Variants in ATAD3B observed in about 807,000 individuals in gnomAD.
The protein encoded by ATAD3B is ATPase family AAA domain-containing protein 3B.
ATAD3B carries 59 observed loss-of-function variants against 70.2 expected under a neutral mutation model. The ratio of observed to expected loss-of-function variants is 0.84; its 90% confidence interval spans 0.68 to 1.04. The LOEUF (loss-of-function observed/expected upper bound fraction) is 1.04. Among genes scored for constraint, ATAD3B ranks in the 50% least tolerant of loss-of-function variants. The pLI is 0.00. For synonymous variants in ATAD3B, 423 were observed against 388.6 expected, an observed-to-expected ratio of 1.09 and a Z score of -1.04; for missense variants, 961 against 913.4, an observed-to-expected ratio of 1.05 and a Z score of -0.67.
the ATAD3B span, chr1:1,503,561 C>T: frequency 2.5e-6 from 4 of 1,602,062 alleles, no homozygotes; most frequent in African/African-American, 1.3e-5. Flanking sequence ...TAACACCCGC[C>T]CTCTGTGCCC....
chr1:1,477,364 G>A lies in ATAD3B; in HGVS notation c.282+14G>A, dbSNP rs1456567821. On this transcript the variant is annotated intron_variant, in intron 2 of 15. Transcript: ENST00000673477. ...TCCAAGCTCAAAGTGAGTGGGGCCG[G>A]TGTGGGCGAGGAGGCCGGGGCGCAC... 6.2e-7 allele frequency: 1 copy of A among 1,612,008 alleles called. No homozygotes were observed.
chr1:1,489,387 G>T (rs1007159769), intron 13 of ATAD3B, 113 bp downstream of exon 13: 2 of 1,553,866 alleles, frequency 1.3e-6, no homozygotes, highest in Non-Finnish European at 1.8e-6. Context: ...TGGCCTCAGT[G>T]TGCCCACCTC....
downstream of ATAD3B, chr1:1,497,862 A>G (rs1315352201): frequency 6.7e-6 from 1 of 150,066 alleles, no homozygotes; most frequent in Non-Finnish European, 1.5e-5. Context: ...CTGTTTAAAA[A>G]AAAAAAAAAA....
At chr1:1,506,787 CTTTTTT>C in the ATAD3B span, among the ~76,000 whole-genome samples, 1 of 120,054 alleles carries the variant, frequency 8.3e-6, no homozygotes, top group Non-Finnish European at 1.8e-5. Context: ...TTTCTTTTTT[CTTTTTT>C]TTTTTTTTTT....
intron 1 of ATAD3B, among the ~76,000 whole-genome samples, chr1:1,473,012 G>A (rs2100510528): frequency 6.7e-6 from 1 of 149,424 alleles, no homozygotes; most frequent in South Asian, 2.1e-4. Flanking sequence ...CTTTAGTAGA[G>A]ACGGGTTTCA....
rs1158121399 is a variant in ATAD3B at position 1,485,857 on chromosome 1, G to C, written c.963+19G>C. Reference sequence around the variant, plus strand: ...GCTTAGTGTAAGTCGGTGTGCCTGGGACCGGGGAGGTGCAGGGAGGGGACC... The same window carrying C: ...GCTTAGTGTAAGTCGGTGTGCCTGGCACCGGGGAGGTGCAGGGAGGGGACC... On this transcript the variant is annotated intron_variant, in intron 9 of 15. Transcript: ENST00000673477. 6.2e-7 allele frequency: 1 copy of C among 1,612,762 alleles called. No individual in the cohort carries two copies. Among genetic ancestry groups the C allele is most frequent in the African/African-American group, 1.3e-5 (1 of 74,822 alleles).
chr1:1,497,988 A>G (rs1271073855), downstream of ATAD3B: 4 of 151,478 alleles, frequency 2.6e-5, no homozygotes, highest in African/African-American at 9.7e-5. Context: ...CAACATGGTG[A>G]AACCCCATCT....
At chr1:1,495,463 C>T (rs1304961513) in intron 15 of ATAD3B, 22 bp from the exon 16 acceptor site, 4 of 1,578,972 alleles carry the variant, frequency 2.5e-6, no homozygotes, top group South Asian at 2.3e-5. Context: ...CGGCCTCCCT[C>T]AGCTCCCTCT....
At position 1,487,907 on chromosome 1, in the gene ATAD3B, G is replaced by A. The variant is rs773103691; in HGVS notation, c.1259G>A (p.Arg420Gln). 9.9e-6 allele frequency: 16 copies of A among 1,613,064 alleles called. No individual in the cohort carries two copies. Among genetic ancestry groups the A allele is most frequent in the African/African-American group, 2.7e-5 (2 of 75,012 alleles). ...GAAGCAGACGCCTTCCTTCGGAAGCGAGCCACTGTGAGTGTCACTAAGCCT... is the reference window on the plus strand; with the variant it reads ...GAAGCAGACGCCTTCCTTCGGAAGCAAGCCACTGTGAGTGTCACTAAGCCT... Reference protein sequence around the residue: ...MDEADAFLRKRATEEISKDLR... With the variant: ...MDEADAFLRKQATEEISKDLR... Residue 420 changes from arginine to glutamine, a missense_variant, in exon 12 of 16, where the codon CGA becomes CAA. Arg to Gln is a conservative substitution (Grantham distance 43). Coordinates refer to ENST00000673477, the MANE Select transcript of ATAD3B (RefSeq NM_031921.6).
chr1:1,471,976 G>A lies in ATAD3B; in HGVS notation c.92G>A (p.Gly31Asp). 1.6e-6 allele frequency: 2 copies of A among 1,241,876 alleles called. No homozygotes were observed. Among genetic ancestry groups the A allele is most frequent in the Non-Finnish European group, 2.0e-6 (2 of 989,486 alleles). The allele number at this position is 1,241,876 out of a possible 1,614,324, so 76.9% of individuals were successfully genotyped here. A position where few individuals can be genotyped will look rare whatever the true frequency, so the allele number is the denominator to read the frequency against. The stretch of plus-strand genomic sequence containing the variant: ...CCGCCCGCGCAGCCCGGGGCCGAGG[G>A]CGGCGGGGACCGCGGTTTGGGAGAC... ...PLPPAQPGAEGGGDRGLGDRP... is the reference protein window; with the variant it reads ...PLPPAQPGAEDGGDRGLGDRP... The change falls in exon 1 of 16, where the codon GGC becomes GAC. Residue 31 changes from glycine (G) to aspartate (D), a missense_variant. Gly to Asp is a moderately conservative substitution (Grantham distance 94). Coordinates refer to ENST00000673477, the MANE Select transcript of ATAD3B (RefSeq NM_031921.6).
the ATAD3B span, among the ~76,000 whole-genome samples, chr1:1,504,523 G>T: frequency 2.0e-5 from 3 of 151,798 alleles, no homozygotes; most frequent in African/African-American, 4.8e-5. Flanking sequence ...GGTGGCGGGC[G>T]CCTGTAATCC....
intron 15 of ATAD3B, 51 bp from the exon 16 acceptor site, chr1:1,495,434 G>A (rs1219603777): frequency 2.9e-5 from 45 of 1,552,448 alleles, no homozygotes; most frequent in Non-Finnish European, 3.8e-5. Context: ...CGTGCATTAA[G>A]GGTGGCGGGT....
intron 15 of ATAD3B, 84 bp from the exon 16 acceptor site, chr1:1,495,401 C>T (rs1640731057): frequency 6.6e-7 from 1 of 1,510,008 alleles, no homozygotes; most frequent in South Asian, 1.3e-5. Flanking sequence ...CTGGTTTGGC[C>T]CCTCCCCACC....
chr1:1,490,064 C>T, intron 13 of ATAD3B, 193 bp from the exon 14 acceptor site: 2 of 1,415,068 alleles, frequency 1.4e-6, no homozygotes, highest in Non-Finnish European at 1.8e-6. Context: ...GGGCGGGGGG[C>T]AGCTGGGCGT....
chr1:1,493,850 G>A (rs1640650502), intron 15 of ATAD3B, among the ~76,000 whole-genome samples: 2 of 152,052 alleles, frequency 1.3e-5, no homozygotes, highest in African/African-American at 4.8e-5. Context: ...GACTTTCCCA[G>A]TGAGGCTCAT....
rs372932723 is a variant in ATAD3B, at chr1:1,485,928, G to A, written c.963+90G>A. Reference sequence around the variant, plus strand: ...GGCCCTTGCTAGCGCTCGTGGTGGCGCCCAGGAGCTTTTGGGTCCTGAGAT... The same window carrying A: ...GGCCCTTGCTAGCGCTCGTGGTGGCACCCAGGAGCTTTTGGGTCCTGAGAT... On this transcript the variant is annotated intron_variant, in intron 9 of 15. Coordinates refer to ENST00000673477, the MANE Select transcript of ATAD3B (RefSeq NM_031921.6). 390 of 1,604,156 alleles carry A rather than the reference G, an allele frequency of 2.4e-4. 6 individuals are homozygous for A. Among genetic ancestry groups the A allele is most frequent in the Middle Eastern group, 1.9e-3 (9 of 4,830 alleles).
chr1:1,485,168 C>T lies in ATAD3B; in HGVS notation c.903C>T (p.Ile301=), dbSNP rs913743808. Residue 301 remains isoleucine, a synonymous_variant, in exon 8 of 16, where the codon ATC becomes ATT. Coordinates refer to ENST00000673477, the MANE Select transcript of ATAD3B (RefSeq NM_031921.6). ...TGCTGGAGGCGCTGCGGCACCCCAT[C>T]CAGGTAGCGGCGCAGGCCTGGCCCT... is the stretch of plus-strand genomic sequence containing the variant. ...ITVLEALRHP[I]QVSRRLLSRP... The T allele has an allele frequency of 1.2e-6, 2 of 1,610,272 alleles. No homozygotes were observed. Among genetic ancestry groups the T allele is most frequent in the African/African-American group, 2.7e-5 (2 of 74,958 alleles).
Position 1,496,504 on chromosome 1 carries a change from G to T in ATAD3B, c.*687G>T, listed in dbSNP as rs559767549. 6.6e-6 allele frequency: 1 copy of T among 152,610 alleles called. No individual in the cohort carries two copies. The highest frequency in any genetic ancestry group is 2.1e-4 in the South Asian group (1 of 4,824). The allele number at this position is 152,610 out of a possible 1,614,324, so 9.5% of individuals were successfully genotyped here. Reference sequence around the variant, plus strand: ...CTTCATGACCACACTGCGCCCAGGTGTAAGAGGGCACGCTTCTGCCCAGGC... The same window carrying T: ...CTTCATGACCACACTGCGCCCAGGTTTAAGAGGGCACGCTTCTGCCCAGGC... On this transcript the variant is annotated 3_prime_UTR_variant, in exon 16 of 16. Coordinates refer to ENST00000673477, the MANE Select transcript of ATAD3B (RefSeq NM_031921.6).
intron 2 of ATAD3B, chr1:1,478,150 C>T (rs1223287072): frequency 2.4e-5 from 6 of 245,120 alleles, no homozygotes; most frequent in Non-Finnish European, 4.8e-5. Context: ...GAGCCTGCCA[C>T]CACATCTGGC....
Sources: allele counts gnomAD v4.1 joint callset (sites outside exome capture counted in the v4.1 genomes callset), GRCh38; gene constraint gnomAD v4.1.1; transcripts MANE v1.5; gene names NCBI Gene and HGNC (gene_info 2026-07-23, HGNC 2026-07-21).